Variants in PEPD observed in about 807,000 individuals in gnomAD.
PEPD encodes peptidase D, also known as xaa-Pro dipeptidase.
PEPD carries 53 observed loss-of-function variants against 60.7 expected under a neutral mutation model. The ratio of observed to expected loss-of-function variants is 0.87; its 90% CI spans 0.70 to 1.10. The LOEUF is 1.10. Among genes scored for constraint, PEPD ranks in the 50% least tolerant of loss-of-function variants. The pLI is 0.00. For synonymous variants in PEPD, 267 were observed against 284.1 expected (o/e 0.94, Z 0.60); for missense variants, 711 against 711.9 (o/e 1.00, Z 0.01).
At chr19:33,460,434 C>T (rs1267571258) in intron 9 of PEPD, among the ~76,000 whole-genome samples, 3 of 152,122 alleles carry the variant, frequency 2.0e-5, no homozygotes, top group Non-Finnish European at 2.9e-5. Context: ...GCAATCGGGG[C>T]GCCTCCTCAA....
chr19:33,421,078 C>T (rs865872555), intron 9 of PEPD, among the ~76,000 whole-genome samples: 4 of 152,314 alleles, frequency 2.6e-5, no homozygotes, highest in Middle Eastern at 6.8e-3. Context: ...GGTGGGCCCC[C>T]GTGTGTTTCT....
chr19:33,405,613 C>T (rs996048309), intron 11 of PEPD, among the ~76,000 whole-genome samples: 23 of 152,212 alleles, frequency 1.5e-4, no homozygotes, highest in Non-Finnish European at 2.6e-4. Flanking sequence ...CCTGCAGACA[C>T]GGTGGCGAGC....
intron 9 of PEPD, among the ~76,000 whole-genome samples, chr19:33,439,801 G>A (rs949283444): frequency 1.3e-5 from 2 of 152,182 alleles, no homozygotes; most frequent in Non-Finnish European, 2.9e-5. Flanking sequence ...AACCTACAGG[G>A]TGCTGCCACC....
chr19:33,444,710 A>G (rs1481792351), intron 9 of PEPD, among the ~76,000 whole-genome samples: 6 of 148,848 alleles, frequency 4.0e-5, no homozygotes, highest in Non-Finnish European at 7.4e-5. Context: ...GCCAAGCCCC[A>G]GCTGGGCCAG....
At position 33,439,713 on chromosome 19, in the gene PEPD, T is replaced by C. The variant is rs143852729; in HGVS notation, c.671+23282A>G. Among the ~76,000 whole-genome samples the C allele has an allele frequency of 1.9e-4, 29 of 152,334 alleles. 1 individual carries two copies. Among genetic ancestry groups the C allele is most frequent in the African/African-American group, 6.5e-4 (27 of 41,586 alleles). On this transcript the variant is annotated intron_variant, in intron 9 of 14. Transcript: ENST00000244137. Reference sequence around the variant, plus strand: ...TGGGTCACACAGCCCAGCACCGTCCTGAAGAGGCTGTCCCCAGCTCGTGTG... The same window carrying C: ...TGGGTCACACAGCCCAGCACCGTCCCGAAGAGGCTGTCCCCAGCTCGTGTG...
chr19:33,433,184 C>T (rs1478995994), intron 9 of PEPD, among the ~76,000 whole-genome samples: 3 of 152,204 alleles, frequency 2.0e-5, no homozygotes, highest in African/African-American at 7.2e-5. Context: ...CTGGGTGATG[C>T]CTCAAAGTGC....
Position 33,476,129 on chromosome 19 carries a change from G to C in PEPD, c.548+1917C>G, listed in dbSNP as rs187053066. 6.6e-5 allele frequency among the ~76,000 whole-genome samples: 10 copies of C among 152,296 alleles called. No individual in the cohort carries two copies. The East Asian group carries it at 1.9e-3, about 29-fold the overall frequency. ...GATTCTCTCGTGTTTGTCTCCCAAAGTGCTGGGATTACAGGCGTGAGCCAC... is the reference window on the plus strand; with the variant it reads ...GATTCTCTCGTGTTTGTCTCCCAAACTGCTGGGATTACAGGCGTGAGCCAC... On this transcript the variant is annotated intron_variant, in intron 7 of 14. Transcript: ENST00000244137.
At chr19:33,416,740 T>C (rs1600098692) in intron 9 of PEPD, among the ~76,000 whole-genome samples, 1 of 152,266 alleles carries the variant, frequency 6.6e-6, no homozygotes, top group Non-Finnish European at 1.5e-5. Context: ...CCCTCACCTA[T>C]AAATTTCTCC....
chr19:33,469,264 C>T (rs1393091983), intron 7 of PEPD, among the ~76,000 whole-genome samples: 1 of 152,192 alleles, frequency 6.6e-6, no homozygotes, highest in Non-Finnish European at 1.5e-5. Context: ...CCCACAGGCT[C>T]GGCCTGTGCC....
At chr19:33,479,472 T>A in intron 6 of PEPD, among the ~76,000 whole-genome samples, 1 of 152,112 alleles carries the variant, frequency 6.6e-6, no homozygotes, top group Admixed American at 6.5e-5. Context: ...GGTAAACTTG[T>A]GTAATGGGGC....
At chr19:33,414,219 C>T (rs1267393744) in intron 9 of PEPD, among the ~76,000 whole-genome samples, 1 of 152,182 alleles carries the variant, frequency 6.6e-6, no homozygotes, top group East Asian at 1.9e-4. Flanking sequence ...GCCTGGGGCA[C>T]ACATCCTGCT....
intron 1 of PEPD, among the ~76,000 whole-genome samples, chr19:33,517,702 C>T (rs1252970914): frequency 2.6e-5 from 4 of 152,086 alleles, no homozygotes; most frequent in Non-Finnish European, 4.4e-5. Context: ...TGCGGTGGCT[C>T]ACGCCTGTAA....
intron 3 of PEPD, among the ~76,000 whole-genome samples, chr19:33,503,533 T>G (rs1004277623): frequency 2.0e-5 from 3 of 152,114 alleles, no homozygotes; most frequent in Admixed American, 2.0e-4. Context: ...GACGCAGGGC[T>G]TATTGTGCAG....
At chr19:33,515,827 C>T (rs935521921) in intron 1 of PEPD, among the ~76,000 whole-genome samples, 5 of 152,118 alleles carry the variant, frequency 3.3e-5, no homozygotes, top group African/African-American at 4.8e-5. Context: ...GGTGCTGGCT[C>T]CCCATGGCCT....
At chr19:33,399,867 G>A (rs1056741031) in intron 12 of PEPD, among the ~76,000 whole-genome samples, 2 of 152,160 alleles carry the variant, frequency 1.3e-5, no homozygotes, top group African/African-American at 2.4e-5. Flanking sequence ...TAGATGCCAC[G>A]GTCCAGAGCT....
At chr19:33,502,952 C>CGGG (rs71181361) in intron 3 of PEPD, among the ~76,000 whole-genome samples, 5,634 of 77,230 alleles carry the variant, frequency 0.073, 251 homozygotes, top group Non-Finnish European at 0.11. Context: ...AACTGGGGGG[C>CGGG]GGGGGGGGGT....
intron 9 of PEPD, among the ~76,000 whole-genome samples, chr19:33,443,240 T>C (rs1045103823): frequency 6.6e-6 from 1 of 152,218 alleles, no homozygotes. Context: ...CTGTCATATG[T>C]CCCTGTGCTT....
chr19:33,411,281 T>A (rs938109975), intron 11 of PEPD, among the ~76,000 whole-genome samples: 3 of 152,094 alleles, frequency 2.0e-5, no homozygotes, highest in East Asian at 1.9e-4. Flanking sequence ...TCTTCCCAGC[T>A]CCAGACCAAG....
At chr19:33,475,214 T>C (rs1970193498) in intron 7 of PEPD, among the ~76,000 whole-genome samples, 1 of 151,670 alleles carries the variant, frequency 6.6e-6, no homozygotes, top group Non-Finnish European at 1.5e-5. Context: ...GAGTTGATGG[T>C]TTCCTGTTAT....
Sources: allele counts gnomAD v4.1 joint callset (sites outside exome capture counted in the v4.1 genomes callset), GRCh38; gene constraint gnomAD v4.1.1; transcripts MANE v1.5; gene names NCBI Gene and HGNC (gene_info 2026-07-23, HGNC 2026-07-21).